SCN1A: variants seen among roughly 807,000 people sequenced by gnomAD.
SCN1A encodes sodium voltage-gated channel alpha subunit 1.
SCN1A carries 13 observed loss-of-function variants against 193.7 expected under a neutral mutation model. The ratio of observed to expected loss-of-function variants is 0.07; its 90% CI spans 0.04 to 0.11. SCN1A has a LOEUF of 0.11. SCN1A is among the 10% of genes least tolerant of loss of function. SCN1A has a pLI of 1.00. For missense variants in SCN1A, 1,432 were observed against 2,451.1 expected (o/e 0.58, Z 8.78); for synonymous variants, 781 against 843.6 (o/e 0.93, Z 1.29).
intron 19 of SCN1A, among the ~76,000 whole-genome samples, chr2:166,019,133 T>G (rs1693691087): frequency 6.6e-6 from 1 of 152,136 alleles, no homozygotes; most frequent in Non-Finnish European, 1.5e-5. Context: ...ATAGTCACAA[T>G]GGATGGATAC....
At chr2:166,019,813 A>C (rs1016811298) in intron 19 of SCN1A, among the ~76,000 whole-genome samples, 2 of 152,080 alleles carry the variant, frequency 1.3e-5, no homozygotes, top group African/African-American at 4.8e-5. Context: ...TTCAGATATT[A>C]GTGATGGATG....
At chr2:166,109,292 G>T (rs1262981235) in intron 2 of SCN1A, among the ~76,000 whole-genome samples, 1 of 152,130 alleles carries the variant, frequency 6.6e-6, no homozygotes, top group Non-Finnish European at 1.5e-5. Context: ...CAAGATAACA[G>T]TACAGATAGA....
rs771936735 is a variant in SCN1A, at chr2:165,991,363, T to C, written c.5912A>G (p.Glu1971Gly). The stretch of plus-strand genomic sequence containing the variant: ...AGTGGACATGGTCAGATCAGTTTTT[T>C]CTGTAATAGAGTTTTCATTTATTCT... ...IDRINENSIT[E>G]KTDLTMSTAA... Residue 1971 changes from glutamate (E) to glycine (G), a missense_variant, in exon 29 of 29, where the codon GAA becomes GGA. Around this residue, in one of 18 missense-constraint regions of SCN1A, gnomAD observed 148 missense variants for 160.3 expected, o/e 0.92. Transcript: ENST00000674923. The C allele has an allele frequency of 3.7e-6, 6 of 1,613,258 alleles. No homozygotes were observed. The Admixed American group carries it at 1.0e-4, about 27-fold the overall frequency.
intron 4 of SCN1A, among the ~76,000 whole-genome samples, chr2:166,072,352 G>A (rs947220860): frequency 6.6e-6 from 1 of 152,140 alleles, no homozygotes; most frequent in Non-Finnish European, 1.5e-5. Flanking sequence ...TGAAATGACA[G>A]TCATAATGAA....
chr2:166,107,113 C>A (rs1688779046), intron 2 of SCN1A, among the ~76,000 whole-genome samples: 1 of 152,102 alleles, frequency 6.6e-6, no homozygotes, highest in African/African-American at 2.4e-5. Context: ...CAACATGGAA[C>A]CAAATTTGCT....
intron 7 of SCN1A, 66 bp from the exon 8 acceptor site, chr2:166,053,009 A>G (rs1164996009): frequency 1.4e-6 from 2 of 1,446,028 alleles, no homozygotes; most frequent in Non-Finnish European, 1.9e-6. Context: ...AGGTACAAAG[A>G]GCCTATCCTT....
chr2:166,044,975 C>G (rs1697615692), intron 13 of SCN1A, 68 bp downstream of exon 13: 1 of 1,542,398 alleles, frequency 6.5e-7, no homozygotes. Context: ...AGTCCATTTT[C>G]TAATTCTCCC....
At chr2:166,070,496 G>A (rs949739864) in intron 4 of SCN1A, among the ~76,000 whole-genome samples, 17 of 152,186 alleles carry the variant, frequency 1.1e-4, no homozygotes, top group African/African-American at 4.1e-4. Context: ...AACAGAAGAT[G>A]TTAAGAGCAA....
chr2:166,086,132 A>C (rs1030939726), intron 2 of SCN1A, among the ~76,000 whole-genome samples: 19 of 152,274 alleles, frequency 1.2e-4, no homozygotes, highest in African/African-American at 4.3e-4. Context: ...ATTCTCAGCC[A>C]TGGTGGATCA....
In SCN1A at chr2:165,991,647, T is replaced by C; in HGVS notation, c.5628A>G (p.Leu1876=). Residue 1876 remains leucine, a synonymous_variant, in exon 29 of 29, where the codon CTA becomes CTG. Coordinates refer to ENST00000674923, the MANE Select transcript of SCN1A (RefSeq NM_001165963.4). The part of the protein sequence containing the change: ...DILFAFTKRV[L]GESGEMDALR... ...GAGCATCCATCTCTCCACTCTCTCC[T>C]AGAACCCGCTTTGTAAAAGCAAATA... The C allele has an allele frequency of 6.2e-7, 1 of 1,613,930 alleles. No individual in the cohort carries two copies. Among genetic ancestry groups the C allele is most frequent in the East Asian group, 2.2e-5 (1 of 44,844 alleles).
intron 15 of SCN1A, among the ~76,000 whole-genome samples, chr2:166,041,828 C>T (rs1468202458): frequency 6.6e-6 from 1 of 152,162 alleles, no homozygotes; most frequent in Admixed American, 6.5e-5. Context: ...TCTACATTGT[C>T]AACCTCAGAC....
intron 2 of SCN1A, among the ~76,000 whole-genome samples, chr2:166,098,267 AACC>A (rs1230968008): frequency 1.3e-5 from 2 of 152,072 alleles, no homozygotes; most frequent in African/African-American, 4.8e-5. Context: ...AAAAACAAAA[AACC>A]ACATGATCAT....
At chr2:166,107,370 C>A (rs1688807320) in intron 2 of SCN1A, among the ~76,000 whole-genome samples, 3 of 152,038 alleles carry the variant, frequency 2.0e-5, no homozygotes, top group Non-Finnish European at 2.9e-5. Flanking sequence ...AACAGTCACA[C>A]AATAGTTGCT....
chr2:166,006,262 T>A (rs1232610724), intron 23 of SCN1A, among the ~76,000 whole-genome samples: 4 of 151,416 alleles, frequency 2.6e-5, no homozygotes, highest in Non-Finnish European at 4.4e-5. Context: ...AAAAAAATTA[T>A]GTTGTGGGTT....
intron 1 of SCN1A, among the ~76,000 whole-genome samples, chr2:166,146,303 C>T (rs1490615643): frequency 1.3e-5 from 2 of 152,150 alleles, no homozygotes; most frequent in Non-Finnish European, 2.9e-5. Context: ...CAGGTCCCAC[C>T]TTATACCTGA....
chr2:166,120,461 A>G (rs62177987), intron 2 of SCN1A, among the ~76,000 whole-genome samples: 16,645 of 151,384 alleles, frequency 0.11, 1,232 homozygotes, highest in Non-Finnish European at 0.16. Flanking sequence ...AATTTTATAT[A>G]GAATTAAATA....
intron 23 of SCN1A, among the ~76,000 whole-genome samples, chr2:166,004,461 C>T (rs1282015599): frequency 2.0e-5 from 3 of 151,400 alleles, no homozygotes; most frequent in Non-Finnish European, 4.4e-5. Context: ...TTTGCCACCT[C>T]TTTTCCATTC....
chr2:166,106,957 C>T (rs72875660), intron 2 of SCN1A, among the ~76,000 whole-genome samples: 4,979 of 152,198 alleles, frequency 0.033, 121 homozygotes, highest in Non-Finnish European at 0.053. Flanking sequence ...AGGCAATACA[C>T]TGGTAACTGT....
chr2:166,120,639 C>T (rs1690471960), intron 2 of SCN1A, among the ~76,000 whole-genome samples: 1 of 105,266 alleles, frequency 9.5e-6, no homozygotes, highest in Non-Finnish European at 1.7e-5. Flanking sequence ...CAGAGTCTTG[C>T]TCTGTCATCC....
Sources: allele counts gnomAD v4.1 joint callset (sites outside exome capture counted in the v4.1 genomes callset), GRCh38; gene constraint gnomAD v4.1.1; regional missense constraint gnomAD v4.1.1; transcripts MANE v1.5; gene names NCBI Gene and HGNC (gene_info 2026-07-23, HGNC 2026-07-21).